Variants in ZFHX4 observed in about 807,000 individuals in gnomAD.
ZFHX4 encodes zinc finger homeobox 4.
In ZFHX4, 56 loss-of-function variants were observed where a neutral mutation model predicts 267.6. The observed-to-expected ratio is 0.21, with a 90% CI of 0.17 to 0.26. The LOEUF (loss-of-function observed/expected upper bound fraction) is 0.26, where lower values mean the gene tolerates loss of function less well. Ranked by LOEUF, ZFHX4 falls within the 10% of genes least tolerant of loss-of-function variation. The pLI, the probability that ZFHX4 is intolerant of heterozygous loss-of-function variation, is 1.00. For missense variants in ZFHX4, 4,332 were observed against 4,420.0 expected, an observed-to-expected ratio of 0.98 and a Z score of 0.56; for synonymous variants, 1,778 against 1,665.6, an observed-to-expected ratio of 1.07 and a Z score of -1.64.
At chr8:76,847,983 G>A (rs895388833) in intron 6 of ZFHX4, among the ~76,000 whole-genome samples, 2 of 152,160 alleles carry the variant, frequency 1.3e-5, no homozygotes, top group Admixed American at 6.5e-5. Context: ...TTTGCACCCA[G>A]TTGTCCAGTG....
Position 76,681,286 on chromosome 8 carries a change from T to C in ZFHX4, c.-381T>C, listed in dbSNP as rs569736041. 2.5e-6 allele frequency: 1 copy of C among 398,374 alleles called. No homozygotes were observed. The highest frequency in any genetic ancestry group is 3.6e-5 in the East Asian group (1 of 28,032). 24.7% of individuals were successfully genotyped at this position (398,374 alleles called of 1,614,324 possible). ...GCACTCAACTTAATCAGCCATTTTT[T>C]TAAACAGGGCTAAAACGATAATAAT... On this transcript the variant is annotated 5_prime_UTR_variant, in exon 1 of 11. Transcript: ENST00000651372.
At chr8:76,846,835 T>C (rs1021054422) in intron 6 of ZFHX4, among the ~76,000 whole-genome samples, 2 of 152,116 alleles carry the variant, frequency 1.3e-5, no homozygotes, top group Non-Finnish European at 2.9e-5. Flanking sequence ...ATTTATTCTA[T>C]TACTGATGAT....
At chr8:76,752,567 A>G (rs1809649141) in intron 3 of ZFHX4, among the ~76,000 whole-genome samples, 1 of 152,002 alleles carries the variant, frequency 6.6e-6, no homozygotes, top group African/African-American at 2.4e-5. Flanking sequence ...GCTACTAGGA[A>G]AGCTGTGGCA....
At chr8:76,773,445 C>A (rs1810320237) in intron 3 of ZFHX4, among the ~76,000 whole-genome samples, 1 of 152,086 alleles carries the variant, frequency 6.6e-6, no homozygotes, top group Non-Finnish European at 1.5e-5. Flanking sequence ...ATTCAGATAT[C>A]ATGTATATAT....
At chr8:76,725,760 T>C (rs964570727) in intron 3 of ZFHX4, among the ~76,000 whole-genome samples, 2 of 152,138 alleles carry the variant, frequency 1.3e-5, no homozygotes, top group African/African-American at 2.4e-5. Context: ...CAAAGTACAA[T>C]ATTATATGTT....
chr8:76,713,282 A>AAGATAGATAGAT (rs142140233), intron 3 of ZFHX4, among the ~76,000 whole-genome samples: 11,796 of 143,114 alleles, frequency 0.082, 574 homozygotes, highest in African/African-American at 0.14. Flanking sequence ...GATAGATAGA[A>AAGATAGATAGAT]AGATAGATAG....
At chr8:76,726,643 G>A (rs757369780) in intron 3 of ZFHX4, among the ~76,000 whole-genome samples, 1 of 152,000 alleles carries the variant, frequency 6.6e-6, no homozygotes, top group African/African-American at 2.4e-5. Context: ...AAGTTAAAAG[G>A]AATAACAATT....
At position 76,849,100 on chromosome 8, in the gene ZFHX4, C is replaced by G; in HGVS notation, c.3617C>G (p.Thr1206Arg). The change falls in exon 7 of 11, where the codon ACA becomes AGA. Residue 1206 changes from threonine (T) to arginine (R), a missense_variant. Thr to Arg is a moderately conservative substitution (Grantham distance 71). Around this residue, in one of 7 missense-constraint regions of ZFHX4, gnomAD observed 1,371 missense variants for 1,423.1 expected, o/e 0.96. Transcript: ENST00000651372. ...EDVATKRSKP[T>R]EDNKFCHEQF... Reference sequence around the variant, plus strand: ...GTTGCAACAAAAAGGTCAAAACCTACAGAGGACAATAAATTCTGTCATGAA... The same window carrying G: ...GTTGCAACAAAAAGGTCAAAACCTAGAGAGGACAATAAATTCTGTCATGAA... 6.4e-7 allele frequency: 1 copy of G among 1,563,958 alleles called. No individual in the cohort carries two copies. The highest frequency in any genetic ancestry group is 2.4e-5 in the East Asian group (1 of 41,834).
At chr8:76,774,165 C>T (rs1303086414) in intron 3 of ZFHX4, among the ~76,000 whole-genome samples, 1 of 151,960 alleles carries the variant, frequency 6.6e-6, no homozygotes, top group East Asian at 1.9e-4. Flanking sequence ...TGTTGAGTGC[C>T]CCTTGTGGCA....
At chr8:76,713,325 C>T (rs5007572) in intron 3 of ZFHX4, among the ~76,000 whole-genome samples, 3 of 137,294 alleles carry the variant, frequency 2.2e-5, no homozygotes, top group African/African-American at 8.8e-5. Flanking sequence ...AGATGATAGA[C>T]AGATAGATAG....
chr8:76,856,760 C>G (rs1337730681), intron 10 of ZFHX4, among the ~76,000 whole-genome samples: 1 of 152,154 alleles, frequency 6.6e-6, no homozygotes, highest in East Asian at 1.9e-4. Context: ...CGCCGCCACC[C>G]TGTGACACCC....
intron 6 of ZFHX4, among the ~76,000 whole-genome samples, chr8:76,844,865 A>C (rs978709064): frequency 1.3e-5 from 2 of 152,160 alleles, no homozygotes; most frequent in African/African-American, 4.8e-5. Context: ...TGAACATTTA[A>C]CAAAGTTTTC....
chr8:76,849,964 A>C, intron 8 of ZFHX4: 2 of 580,326 alleles, frequency 3.4e-6, no homozygotes, highest in South Asian at 4.4e-5. Context: ...AATGTTCATC[A>C]AATAACCCCA....
In ZFHX4 at chr8:76,704,678, T is replaced by A; in HGVS notation, c.590T>A (p.Ile197Asn). 6.2e-7 allele frequency: 1 copy of A among 1,614,048 alleles called. No homozygotes were observed. Among genetic ancestry groups the A allele is most frequent in the Non-Finnish European group, 8.5e-7 (1 of 1,179,896 alleles). ...FYPQIINTFH[I>N]ASSLGKPFTA... ...CCACAGATCATCAACACTTTTCATA[T>A]CGCTTCATCCCTCGGGAAACCATTT... The change falls in exon 2 of 11, where the codon ATC (isoleucine) becomes AAC (asparagine). Residue 197 changes from isoleucine (I) to asparagine (N), a missense_variant. Physicochemically the swap from Ile to Asn is moderately radical, Grantham distance 149. Coordinates refer to ENST00000651372, the MANE Select transcript of ZFHX4 (RefSeq NM_024721.5).
chr8:76,694,786 T>G (rs1252569238), intron 1 of ZFHX4, among the ~76,000 whole-genome samples: 1 of 148,538 alleles, frequency 6.7e-6, no homozygotes, highest in South Asian at 2.2e-4. Context: ...TTACTTACAG[T>G]GCATATATTC....
chr8:76,711,605 A>T (rs1220077087), intron 3 of ZFHX4, among the ~76,000 whole-genome samples: 1 of 152,174 alleles, frequency 6.6e-6, no homozygotes. Context: ...ATTGGTTCTC[A>T]ATAAATATTT....
In ZFHX4 at chr8:76,852,963, G is replaced by A. The variant is rs368141704; in HGVS notation, c.6042G>A (p.Pro2014=). 11 of 1,563,022 alleles carry A rather than the reference G, an allele frequency of 7.0e-6. No individual in the cohort carries two copies. The highest frequency in any genetic ancestry group is 2.4e-5 in the East Asian group (1 of 42,006). Residue 2014 remains proline (P), a synonymous_variant, in exon 10 of 11, where the codon CCG becomes CCA. Transcript: ENST00000651372. ...PPPPPPPPLP[P]APPQPSSMGP... is the part of the protein sequence containing the mutation. ...CACCTCCTCCTCCTCCCTTGCCTCC[G>A]GCTCCTCCACAGCCTTCTTCTATGG...
chr8:76,764,900 C>G (rs927050522), intron 3 of ZFHX4, among the ~76,000 whole-genome samples: 1 of 152,134 alleles, frequency 6.6e-6, no homozygotes, highest in Admixed American at 6.6e-5. Flanking sequence ...GGTTCCAGAC[C>G]TAGGTTAATT....
intron 4 of ZFHX4, among the ~76,000 whole-genome samples, chr8:76,817,197 G>T (rs1811528822): frequency 6.6e-6 from 1 of 152,086 alleles, no homozygotes; most frequent in South Asian, 2.1e-4. Context: ...ATTTTTAACT[G>T]CAATTCCTGT....
Sources: allele counts gnomAD v4.1 joint callset (sites outside exome capture counted in the v4.1 genomes callset), GRCh38; gene constraint gnomAD v4.1.1; regional missense constraint gnomAD v4.1.1; transcripts MANE v1.5; gene names NCBI Gene and HGNC (gene_info 2026-07-23, HGNC 2026-07-21).